The following KCNMA1 variants were observed in gnomAD, a reference collection of about 807,000 sequenced individuals.
The protein encoded by KCNMA1 is Calcium-activated potassium channel subunit alpha-1.
KCNMA1 carries 29 observed loss-of-function variants against 140.0 expected under a neutral mutation model. The observed-to-expected ratio is 0.21, with a 90% CI of 0.15 to 0.28. KCNMA1 has a LOEUF of 0.28. Ranked by LOEUF, KCNMA1 falls within the 10% of genes least tolerant of loss-of-function variation. The pLI is 1.00. For synonymous variants in KCNMA1, 612 were observed against 611.9 expected, an observed-to-expected ratio of 1.00 and a Z score of 0.00; for missense variants, 880 against 1,602.2, an observed-to-expected ratio of 0.55 and a Z score of 7.70.
intron 27 of KCNMA1, 137 bp from the exon 28 acceptor site, chr10:76,887,652 G>A (rs150076251): frequency 4.2e-6 from 4 of 950,038 alleles, no homozygotes; most frequent in Non-Finnish European, 6.5e-6. Flanking sequence ...CTGGTCTGAG[G>A]CCTTAAACAT....
chr10:77,542,514 T>C (rs763240589), intron 1 of KCNMA1, among the ~76,000 whole-genome samples: 3 of 152,220 alleles, frequency 2.0e-5, no homozygotes, highest in Non-Finnish European at 4.4e-5. Flanking sequence ...TATAAAAATA[T>C]AAATTTCTGT....
At chr10:77,272,019 C>T (rs2065286630) in intron 2 of KCNMA1, among the ~76,000 whole-genome samples, 1 of 152,294 alleles carries the variant, frequency 6.6e-6, no homozygotes, top group Non-Finnish European at 1.5e-5. Context: ...CCTGACTATC[C>T]TTTCTAAAGC....
intron 13 of KCNMA1, among the ~76,000 whole-genome samples, 174 bp from the exon 14 acceptor site, chr10:77,073,426 C>T (rs975199028): frequency 6.6e-6 from 1 of 152,210 alleles, no homozygotes; most frequent in Non-Finnish European, 1.5e-5. Flanking sequence ...GCTCATCACA[C>T]TTCAGTCTCT....
intron 2 of KCNMA1, among the ~76,000 whole-genome samples, chr10:77,284,801 A>G (rs2070137033): frequency 6.6e-6 from 1 of 152,158 alleles, no homozygotes; most frequent in Non-Finnish European, 1.5e-5. Flanking sequence ...GGTGTGAACC[A>G]CCGCGCCCAA....
At chr10:77,025,526 A>C in intron 16 of KCNMA1, 3 of 1,251,812 alleles carry the variant, frequency 2.4e-6, no homozygotes, top group Admixed American at 1.9e-5. Context: ...ACCAGAAGGA[A>C]AGAAGGAATA....
chr10:77,158,903 C>G (rs1032300485), intron 5 of KCNMA1, among the ~76,000 whole-genome samples: 2 of 152,220 alleles, frequency 1.3e-5, no homozygotes, highest in Non-Finnish European at 2.9e-5. Flanking sequence ...TCCTCATACT[C>G]TCACCCCATG....
At chr10:77,514,992 C>T (rs773318037) in intron 1 of KCNMA1, among the ~76,000 whole-genome samples, 4 of 152,154 alleles carry the variant, frequency 2.6e-5, no homozygotes, top group Non-Finnish European at 5.9e-5. Flanking sequence ...AGCTGTCCTG[C>T]AGCAGATGAA....
intron 1 of KCNMA1, among the ~76,000 whole-genome samples, chr10:77,620,811 G>A (rs564164280): frequency 6.6e-6 from 1 of 152,284 alleles, no homozygotes; most frequent in East Asian, 1.9e-4. Context: ...GTTGTGTAAG[G>A]GTTTTACACA....
At chr10:77,063,722 G>T in intron 14 of KCNMA1, 3 of 985,044 alleles carry the variant, frequency 3.0e-6, no homozygotes, top group Non-Finnish European at 3.6e-6. Flanking sequence ...AGGACTTTGC[G>T]ATTTTCATGT....
At chr10:77,566,341 T>G (rs936111259) in intron 1 of KCNMA1, among the ~76,000 whole-genome samples, 1 of 152,208 alleles carries the variant, frequency 6.6e-6, no homozygotes, top group Non-Finnish European at 1.5e-5. Flanking sequence ...GAAAAGTCCC[T>G]CGGCAGAAGC....
intron 5 of KCNMA1, among the ~76,000 whole-genome samples, chr10:77,174,362 G>A (rs1321018267): frequency 6.6e-6 from 1 of 152,212 alleles, no homozygotes; most frequent in Non-Finnish European, 1.5e-5. Flanking sequence ...TCCACTATGT[G>A]CAAGAGTGTC....
At chr10:77,475,679 A>G (rs1449582925) in intron 1 of KCNMA1, among the ~76,000 whole-genome samples, 2 of 152,190 alleles carry the variant, frequency 1.3e-5, no homozygotes, top group Non-Finnish European at 2.9e-5. Context: ...TTGTTATCAC[A>G]TGGCCTGCAA....
chr10:76,904,463 A>C (rs1167125829), intron 25 of KCNMA1: 1 of 152,230 alleles, frequency 6.6e-6, no homozygotes, highest in Admixed American at 6.5e-5. Context: ...GTACACTAGC[A>C]AAAGGGGCCT....
At chr10:77,580,241 C>A (rs1040309646) in intron 1 of KCNMA1, among the ~76,000 whole-genome samples, 1 of 151,790 alleles carries the variant, frequency 6.6e-6, no homozygotes, top group African/African-American at 2.4e-5. Context: ...ATTAGCCGGG[C>A]GTGGTGGCGG....
intron 29 of KCNMA1, among the ~76,000 whole-genome samples, chr10:76,879,692 T>C (rs1441927391): frequency 6.6e-6 from 1 of 152,192 alleles, no homozygotes; most frequent in Non-Finnish European, 1.5e-5. Flanking sequence ...AAAAAGGTTG[T>C]ATAGAAATCC....
intron 1 of KCNMA1, among the ~76,000 whole-genome samples, chr10:77,628,838 C>A (rs2092850756): frequency 6.6e-6 from 1 of 152,030 alleles, no homozygotes; most frequent in Non-Finnish European, 1.5e-5. Flanking sequence ...TCCACAGAAA[C>A]CCTCAGGAAT....
chr10:77,111,675 C>T (rs2097328600), intron 7 of KCNMA1, among the ~76,000 whole-genome samples: 1 of 152,256 alleles, frequency 6.6e-6, no homozygotes, highest in South Asian at 2.1e-4. Flanking sequence ...TAAGCGCGTC[C>T]TTCTATCCCT....
At chr10:77,570,770 G>GA (rs71028288) in intron 1 of KCNMA1, among the ~76,000 whole-genome samples, 21 of 148,272 alleles carry the variant, frequency 1.4e-4, no homozygotes, top group East Asian at 5.9e-4. Flanking sequence ...TTTTGAATGG[G>GA]AAAAAAAAAA....
chr10:77,348,543 C>T (rs1403471256), intron 2 of KCNMA1, among the ~76,000 whole-genome samples: 3 of 152,154 alleles, frequency 2.0e-5, no homozygotes, highest in African/African-American at 7.2e-5. Flanking sequence ...TGAGACCCAG[C>T]CCAGAACCTG....
Sources: gnomAD v4.1 joint callset for allele counts (sites outside exome capture counted in the v4.1 genomes callset) on GRCh38, gnomAD v4.1.1 for gene constraint, MANE v1.5 for transcripts, NCBI Gene and HGNC (gene_info 2026-07-23, HGNC 2026-07-21) for gene names.